The following FOXN3 variants were observed in gnomAD, a reference collection of about 807,000 sequenced individuals.
FOXN3 encodes forkhead box protein N3.
In FOXN3, 7 loss-of-function variants were observed where a neutral mutation model predicts 38.4. The observed-to-expected ratio is 0.18, with a 90% CI of 0.10 to 0.34. The LOEUF (loss-of-function observed/expected upper bound fraction) is 0.34, where lower values mean the gene tolerates loss of function less well. Among genes scored for constraint, FOXN3 ranks in the 10% least tolerant of loss-of-function variants. FOXN3 has a pLI of 1.00. For missense variants in FOXN3, 456 were observed against 613.4 expected (o/e 0.74, Z 2.71); for synonymous variants, 230 against 242.2 (o/e 0.95, Z 0.47).
intron 4 of FOXN3, among the ~76,000 whole-genome samples, chr14:89,252,431 G>A (rs965152404): frequency 7.9e-5 from 12 of 152,116 alleles, no homozygotes; most frequent in African/African-American, 2.7e-4. Flanking sequence ...GAGGAGGGCG[G>A]ATTACCTGAG....
At chr14:89,478,455 A>G (rs1396451132) in intron 1 of FOXN3, among the ~76,000 whole-genome samples, 1 of 152,206 alleles carries the variant, frequency 6.6e-6, no homozygotes, top group African/African-American at 2.4e-5. Context: ...GTACACAAAA[A>G]CAACTGGTTT....
At chr14:89,384,999 C>T (rs114775983) in intron 2 of FOXN3, among the ~76,000 whole-genome samples, 2,318 of 152,232 alleles carry the variant, frequency 0.015, 72 homozygotes, top group African/African-American at 0.053. Context: ...TCCCCTAAGT[C>T]GGCATCTTAC....
intron 1 of FOXN3, among the ~76,000 whole-genome samples, chr14:89,514,751 G>T (rs1161635479): frequency 6.6e-6 from 1 of 152,150 alleles, no homozygotes; most frequent in African/African-American, 2.4e-5. Flanking sequence ...CTCCATCTGT[G>T]CATCTTGCCA....
chr14:89,574,865 C>T lies in FOXN3; in HGVS notation c.-15+44163G>A, dbSNP rs549991130. 2.0e-5 allele frequency among the ~76,000 whole-genome samples: 3 copies of T among 150,298 alleles called. No individual in the cohort carries two copies. The South Asian group carries it at 6.3e-4, about 31-fold the overall frequency. ...CTCTTCCCTATGAAAATCAGAATTG[C>T]CTTTACAGCTTTAAAAAAAAAATTG... On this transcript the variant is annotated intron_variant, in intron 1 of 6. Transcript: ENST00000345097.
intron 1 of FOXN3, among the ~76,000 whole-genome samples, chr14:89,461,641 A>G (rs1350014900): frequency 6.6e-6 from 1 of 152,216 alleles, no homozygotes; most frequent in Non-Finnish European, 1.5e-5. Context: ...ATGTAGCACA[A>G]TAACTATGAT....
At chr14:89,300,492 T>A (rs1478509890) in intron 3 of FOXN3, among the ~76,000 whole-genome samples, 1 of 152,138 alleles carries the variant, frequency 6.6e-6, no homozygotes, top group African/African-American at 2.4e-5. Flanking sequence ...AAGAAATGTA[T>A]ATGTTTTAAT....
intron 4 of FOXN3, among the ~76,000 whole-genome samples, chr14:89,271,028 T>C (rs1886137885): frequency 6.6e-6 from 1 of 152,066 alleles, no homozygotes; most frequent in South Asian, 2.1e-4. Flanking sequence ...CATTCACTCA[T>C]GCATGTGCAC....
intron 2 of FOXN3, among the ~76,000 whole-genome samples, chr14:89,401,891 G>C (rs1891256978): frequency 6.6e-6 from 1 of 152,164 alleles, no homozygotes; most frequent in African/African-American, 2.4e-5. Context: ...AGGAAGAAAA[G>C]GAAGGGTAAT....
intron 1 of FOXN3, among the ~76,000 whole-genome samples, chr14:89,508,505 G>A (rs577564585): frequency 3.3e-5 from 5 of 152,302 alleles, no homozygotes; most frequent in African/African-American, 9.6e-5. Flanking sequence ...TGGGGAAAGC[G>A]GTGTTGAAAG....
chr14:89,191,327 C>T (rs1315845699), intron 4 of FOXN3, among the ~76,000 whole-genome samples: 2 of 152,220 alleles, frequency 1.3e-5, no homozygotes, highest in East Asian at 1.9e-4. Context: ...TGCCCCAGCG[C>T]AGCGTCCCAG....
chr14:89,219,648 G>A (rs1237358507), intron 4 of FOXN3, among the ~76,000 whole-genome samples: 6 of 152,206 alleles, frequency 3.9e-5, no homozygotes, highest in South Asian at 2.1e-4. Flanking sequence ...GCAATTTGAC[G>A]TAACCGCTCT....
chr14:89,603,740 C>T (rs1896208227), intron 1 of FOXN3, among the ~76,000 whole-genome samples: 1 of 152,098 alleles, frequency 6.6e-6, no homozygotes, highest in African/African-American at 2.4e-5. Flanking sequence ...AAATAAGGCA[C>T]ATTCAGAACA....
At chr14:89,597,256 T>C (rs1399704516) in intron 1 of FOXN3, among the ~76,000 whole-genome samples, 3 of 152,178 alleles carry the variant, frequency 2.0e-5, no homozygotes, top group Non-Finnish European at 2.9e-5. Context: ...ATGGGGATTT[T>C]TCATTTATAT....
At chr14:89,455,283 A>T (rs1156784404) in intron 1 of FOXN3, among the ~76,000 whole-genome samples, 1 of 152,230 alleles carries the variant, frequency 6.6e-6, no homozygotes, top group Non-Finnish European at 1.5e-5. Flanking sequence ...GGAAAAGGAA[A>T]ATTTGAGAAA....
At chr14:89,385,538 T>C (rs1890769820) in intron 2 of FOXN3, among the ~76,000 whole-genome samples, 1 of 140,460 alleles carries the variant, frequency 7.1e-6, no homozygotes, top group East Asian at 2.2e-4. Flanking sequence ...CTGGGTGCCA[T>C]GGTTCACGCC....
intron 1 of FOXN3, among the ~76,000 whole-genome samples, chr14:89,610,312 T>C (rs1418859395): frequency 1.3e-5 from 2 of 152,166 alleles, no homozygotes; most frequent in South Asian, 2.1e-4. Flanking sequence ...ACAGCTTTCA[T>C]AGATCTCAAG....
At chr14:89,480,298 G>A (rs1372079446) in intron 1 of FOXN3, among the ~76,000 whole-genome samples, 1 of 152,080 alleles carries the variant, frequency 6.6e-6, no homozygotes, top group Non-Finnish European at 1.5e-5. Context: ...AGCTACTCGG[G>A]AGGCTGAAGC....
At chr14:89,227,517 A>G (rs1884678470) in intron 4 of FOXN3, among the ~76,000 whole-genome samples, 1 of 152,190 alleles carries the variant, frequency 6.6e-6, no homozygotes, top group Non-Finnish European at 1.5e-5. Flanking sequence ...TGAACTCATG[A>G]AATGTGGCGG....
chr14:89,185,073 T>C lies in FOXN3; in HGVS notation c.746-4267A>G, dbSNP rs1010367032. Among the ~76,000 whole-genome samples the C allele has an allele frequency of 3.3e-5, 5 of 152,332 alleles. No individual in the cohort carries two copies. In the East Asian group the frequency reaches 9.7e-4, roughly 29 times the overall value. On this transcript the variant is annotated intron_variant, in intron 4 of 5. Coordinates refer to ENST00000557258, the MANE Select transcript of FOXN3 (RefSeq NM_005197.4). Reference sequence around the variant, plus strand: ...TATTTCCTGAACCTCACAAGACTCCTGGCATGTAGACTCAGCTCTTCCTCT... The same window carrying C: ...TATTTCCTGAACCTCACAAGACTCCCGGCATGTAGACTCAGCTCTTCCTCT...
Sources: gnomAD v4.1 joint callset for allele counts (sites outside exome capture counted in the v4.1 genomes callset) on GRCh38, gnomAD v4.1.1 for gene constraint, MANE v1.5 for transcripts, NCBI Gene and HGNC (gene_info 2026-07-23, HGNC 2026-07-21) for gene names.